The following NFIX variants were observed in gnomAD, a reference collection of about 807,000 sequenced individuals.
The protein encoded by NFIX is nuclear factor I X.
A neutral mutation model predicts 53.3 loss-of-function variants in NFIX; 2 were observed. The ratio of observed to expected loss-of-function variants is 0.04; its 90% CI spans 0.02 to 0.12. The LOEUF is 0.12. Among genes scored for constraint, NFIX ranks in the 10% least tolerant of loss-of-function variants. The pLI, the probability that NFIX is intolerant of heterozygous loss-of-function variation, is 1.00. For synonymous variants in NFIX, 244 were observed against 289.0 expected (o/e 0.84, Z 1.58); for missense variants, 310 against 674.5 (o/e 0.46, Z 5.99).
chr19:13,010,925 C>T (rs2012306955), intron 1 of NFIX, among the ~76,000 whole-genome samples: 1 of 152,232 alleles, frequency 6.6e-6, no homozygotes, highest in Non-Finnish European at 1.5e-5. Context: ...GGTGGGACAT[C>T]CCAGAACTGC....
rs557966837 is a variant in NFIX, at chr19:13,073,667, A to C, written c.697+171A>C. Among the ~76,000 whole-genome samples the C allele has an allele frequency of 2.0e-5, 3 of 152,208 alleles. No homozygotes were observed. The South Asian group carries it at 6.2e-4, about 32-fold the overall frequency. Reference sequence around the variant, plus strand: ...CTGGGTACAATAGAGTCTTCCAGAGAGGCCTGTCTCCAGTCTCCATTGCTT... The same window carrying C: ...CTGGGTACAATAGAGTCTTCCAGAGCGGCCTGTCTCCAGTCTCCATTGCTT... On this transcript the variant is annotated intron_variant, in intron 4 of 10. Transcript: ENST00000592199. The surrounding 1 kb of genome is among the most constrained non-coding windows in gnomAD (Gnocchi z 4.5).
In NFIX at chr19:13,024,645, A is replaced by T. The variant is rs1450179895; in HGVS notation, c.28-376A>T. 26 of 1,535,450 alleles carry T rather than the reference A, an allele frequency of 1.7e-5. No homozygotes were observed. Among genetic ancestry groups the T allele is most frequent in the Non-Finnish European group, 2.2e-5 (25 of 1,146,036 alleles). On this transcript the variant is annotated intron_variant, in intron 1 of 10. Coordinates refer to ENST00000592199, the MANE Select transcript of NFIX (RefSeq NM_001365902.3). ...GGCTGCGATAGAACATGGAGATGTC[A>T]TGGGCGCGACAGAGCCTGGCGGGGA...
intron 2 of NFIX, among the ~76,000 whole-genome samples, chr19:13,061,183 C>A (rs1196126447): frequency 2.0e-5 from 3 of 149,816 alleles, no homozygotes; most frequent in Non-Finnish European, 3.0e-5. Context: ...CACTGGATAA[C>A]CCCCAGTCAA....
At position 13,078,381 on chromosome 19, in the gene NFIX, C is replaced by T. The variant is rs1171256049; in HGVS notation, c.956-232C>T. ...ACCACCCCACATTACCCAGGGGCCTCGTTTTCCTCTCTGGTTAGAAGCACC... is the reference window on the plus strand; with the variant it reads ...ACCACCCCACATTACCCAGGGGCCTTGTTTTCCTCTCTGGTTAGAAGCACC... On this transcript the variant is annotated intron_variant, in intron 6 of 10. Transcript: ENST00000592199. This position sits in a 1 kb window ranked among gnomAD's most constrained non-coding sequence, Gnocchi z 4.7. 2.0e-5 allele frequency among the ~76,000 whole-genome samples: 3 copies of T among 152,338 alleles called. No homozygotes were observed. Among genetic ancestry groups the T allele is most frequent in the East Asian group, 3.9e-4 (2 of 5,180 alleles).
chr19:13,074,585 G>A (rs1018599278), intron 5 of NFIX, among the ~76,000 whole-genome samples: 13 of 151,574 alleles, frequency 8.6e-5, no homozygotes, highest in Admixed American at 7.2e-4. Flanking sequence ...GAGGCCATTG[G>A]AAAGGCTAGA....
intron 8 of NFIX, among the ~76,000 whole-genome samples, chr19:13,083,291 G>A (rs1252981769): frequency 6.6e-6 from 1 of 152,180 alleles, no homozygotes; most frequent in Non-Finnish European, 1.5e-5. Flanking sequence ...TGGGGTCTGG[G>A]ATATGCCGCA....
rs1241467861 is a variant in NFIX at position 13,036,594 on chromosome 19, G to A, written c.559+11042G>A. Among the ~76,000 whole-genome samples, 1 of 152,168 alleles carries A rather than the reference G, an allele frequency of 6.6e-6. No homozygotes were observed. The highest frequency in any genetic ancestry group is 1.9e-4 in the East Asian group (1 of 5,190). ...AGGCGACCTGCAGGAGGCCAGCCGA[G>A]TGCAGCCCTTGGGGAGTGTGTCCTT... On this transcript the variant is annotated intron_variant, in intron 2 of 10. Transcript: ENST00000592199. This position sits in a 1 kb window ranked among gnomAD's most constrained non-coding sequence, Gnocchi z 4.7.
chr19:13,083,679 G>C (rs1442277096), intron 8 of NFIX, among the ~76,000 whole-genome samples: 1 of 152,224 alleles, frequency 6.6e-6, no homozygotes, highest in Non-Finnish European at 1.5e-5. Flanking sequence ...GTGTGGCCCA[G>C]CTGGGGAGCA....
rs2014536926 is a variant in NFIX at position 13,040,439 on chromosome 19, T to A, written c.559+14887T>A. ...CCGTGCCAGATCTTCCCTGCCACGCTAGCCTGGTGGATGCCCTGCGGCAGG... is the reference window on the plus strand; with the variant it reads ...CCGTGCCAGATCTTCCCTGCCACGCAAGCCTGGTGGATGCCCTGCGGCAGG... On this transcript the variant is annotated intron_variant, in intron 2 of 10. Transcript: ENST00000592199. The surrounding 1 kb of genome is among the most constrained non-coding windows in gnomAD (Gnocchi z 4.2). Among the ~76,000 whole-genome samples, 1 of 152,256 alleles carries A rather than the reference T, an allele frequency of 6.6e-6. No homozygotes were observed. The highest frequency in any genetic ancestry group is 6.5e-5 in the Admixed American group (1 of 15,290).
intron 1 of NFIX, among the ~76,000 whole-genome samples, chr19:13,008,309 C>T (rs2012138753): frequency 6.6e-6 from 1 of 152,180 alleles, no homozygotes; most frequent in Admixed American, 6.5e-5. Flanking sequence ...TTTTCATCCC[C>T]CTGGCAGGGC....
chr19:13,005,670 C>T lies in NFIX; in HGVS notation c.27+9806C>T, dbSNP rs1447222595. 2.6e-5 allele frequency among the ~76,000 whole-genome samples: 4 copies of T among 152,202 alleles called. No individual in the cohort carries two copies. The highest frequency in any genetic ancestry group is 2.6e-4 in the Admixed American group (4 of 15,280). ...CTCTTTCTTCAAGATCGTCACCACC[C>T]TAAATCCTGCCGATGGGACAAAATT... On this transcript the variant is annotated intron_variant, in intron 1 of 10. Coordinates refer to ENST00000592199, the MANE Select transcript of NFIX (RefSeq NM_001365902.3). This position sits in a 1 kb window ranked among gnomAD's most constrained non-coding sequence, Gnocchi z 4.7.
intron 7 of NFIX, among the ~76,000 whole-genome samples, chr19:13,080,880 G>A (rs1429212152): frequency 5.9e-5 from 9 of 151,734 alleles, no homozygotes; most frequent in African/African-American, 2.2e-4. Flanking sequence ...GGCGCCTGTA[G>A]TCCCAGCTAC....
intron 1 of NFIX, among the ~76,000 whole-genome samples, chr19:13,000,199 T>A (rs1358413444): frequency 2.6e-5 from 4 of 152,172 alleles, no homozygotes; most frequent in Non-Finnish European, 4.4e-5. Context: ...AGCACAGGAT[T>A]TTCCTGGCCT....
chr19:13,030,641 C>A (rs987318404), intron 2 of NFIX, among the ~76,000 whole-genome samples: 1 of 152,104 alleles, frequency 6.6e-6, no homozygotes, highest in Non-Finnish European at 1.5e-5. Context: ...CTCCTAGTGC[C>A]CTTGCCATTT....
rs962937597 is a variant in NFIX at position 13,068,608 on chromosome 19, G to A, written c.560-4439G>A. On this transcript the variant is annotated intron_variant, in intron 2 of 10. Transcript: ENST00000592199. The surrounding 1 kb of genome is among the most constrained non-coding windows in gnomAD (Gnocchi z 4.2). ...CCACAAGCTGTTGTTGCTGTGGAAT[G>A]ACCAGTGGTGTGCAGATGAATACAG... 2.6e-5 allele frequency among the ~76,000 whole-genome samples: 4 copies of A among 152,260 alleles called. No individual in the cohort carries two copies. Among genetic ancestry groups the A allele is most frequent in the African/African-American group, 9.6e-5 (4 of 41,482 alleles).
intron 1 of NFIX, among the ~76,000 whole-genome samples, chr19:13,019,478 C>T (rs969125650): frequency 6.6e-6 from 1 of 152,070 alleles, no homozygotes; most frequent in Non-Finnish European, 1.5e-5. Flanking sequence ...TATTTTTCTT[C>T]CTCTGCTGTT....
rs1392558318 is a variant in NFIX, at chr19:13,021,964, T to C, written c.28-3057T>C. On this transcript the variant is annotated intron_variant, in intron 1 of 10. Coordinates refer to ENST00000592199, the MANE Select transcript of NFIX (RefSeq NM_001365902.3). This position sits in a 1 kb window ranked among gnomAD's most constrained non-coding sequence, Gnocchi z 4.2. ...ATTTGGGTTTCTCATTTTATACTTT[T>C]GCACTTTGCACTGCTAGGGTTTGGG... Among the ~76,000 whole-genome samples, 2 of 152,194 alleles carry C rather than the reference T, an allele frequency of 1.3e-5. No individual in the cohort carries two copies. The highest frequency in any genetic ancestry group is 1.5e-5 in the Non-Finnish European group (1 of 68,038).
Position 13,002,266 on chromosome 19 carries a change from TCTC to T in NFIX, c.27+6408_27+6410del, listed in dbSNP as rs1431472134. Among the ~76,000 whole-genome samples, 1 of 150,434 alleles carries T rather than the reference TCTC, an allele frequency of 6.6e-6. No homozygotes were observed. The highest frequency in any genetic ancestry group is 2.5e-5 in the African/African-American group (1 of 40,726). On this transcript the variant is annotated intron_variant, in intron 1 of 10. Coordinates refer to ENST00000592199, the MANE Select transcript of NFIX (RefSeq NM_001365902.3). This position sits in a 1 kb window ranked among gnomAD's most constrained non-coding sequence, Gnocchi z 6.1. ...CTCCCGCTCCCTCTCTCCCTCTCTC[TCTC>T]CTCCTGCCAAACGCGTCTTGGCTCC...
Position 13,089,195 on chromosome 19 carries a change from G to C in NFIX, c.1402+1059G>C, listed in dbSNP as rs10416609. The stretch of plus-strand genomic sequence containing the variant: ...AGTCATTGGAGGTGGGCAGGGTGGG[G>C]GATGGGAGCTGGGCTACAGGGTTCG... On this transcript the variant is annotated intron_variant, in intron 9 of 10. Coordinates refer to ENST00000592199, the MANE Select transcript of NFIX (RefSeq NM_001365902.3). The surrounding 1 kb of genome is among the most constrained non-coding windows in gnomAD (Gnocchi z 4.8). 5.6e-3 allele frequency among the ~76,000 whole-genome samples: 859 copies of C among 152,332 alleles called. 9 individuals are homozygous for C. Among genetic ancestry groups the C allele is most frequent in the African/African-American group, 0.02 (837 of 41,578 alleles).
Sources: gnomAD v4.1 joint callset for allele counts (sites outside exome capture counted in the v4.1 genomes callset) on GRCh38, gnomAD v4.1.1 for gene constraint, Gnocchi (gnomAD v3.1) non-coding constraint, MANE v1.5 for transcripts, NCBI Gene and HGNC (gene_info 2026-07-23, HGNC 2026-07-21) for gene names.